The following SLC66A2 variants were observed in gnomAD, a reference collection of about 807,000 sequenced individuals.
The protein encoded by SLC66A2 is solute carrier family 66 member 2, also known as PQ loop repeat containing 1.
Under a neutral mutation model 25.5 loss-of-function variants are expected in SLC66A2, and 23 were observed. The observed-to-expected ratio is 0.90, with a 90% CI of 0.65 to 1.28. The LOEUF (loss-of-function observed/expected upper bound fraction) is 1.28. Among genes scored for constraint, SLC66A2 ranks in the 50% most tolerant of loss-of-function variants. SLC66A2 has a pLI of 0.00. For synonymous variants in SLC66A2, 193 were observed against 166.5 expected (o/e 1.16, Z -1.23); for missense variants, 396 against 373.1 (o/e 1.06, Z -0.51).
At chr18:79,930,948 G>GAAAT (rs1238243752) in intron 4 of SLC66A2, among the ~76,000 whole-genome samples, 1 of 152,162 alleles carries the variant, frequency 6.6e-6, no homozygotes, top group Non-Finnish European at 1.5e-5. Flanking sequence ...AAGGGAGGAG[G>GAAAT]AAATCGAACC....
At chr18:79,942,977 G>A (rs1405817763) in intron 3 of SLC66A2, among the ~76,000 whole-genome samples, 3 of 152,170 alleles carry the variant, frequency 2.0e-5, no homozygotes, top group African/African-American at 7.2e-5. Flanking sequence ...GCACACAGAC[G>A]AAACGCCTGA....
At position 79,904,054 on chromosome 18, in the gene SLC66A2, C is replaced by G; in HGVS notation, c.738G>C (p.Gly246=). 2 of 1,611,136 alleles carry G rather than the reference C, an allele frequency of 1.2e-6. No individual in the cohort carries two copies. The highest frequency in any genetic ancestry group is 1.7e-6 in the Non-Finnish European group (2 of 1,179,126). The change falls in exon 6 of 6, where the codon GGG becomes GGC. Residue 246 remains glycine, a synonymous_variant. Transcript: ENST00000397778. This position sits in a 1 kb window ranked among gnomAD's most constrained non-coding sequence, Gnocchi z 6.3. ...LQVLVDLAIL[G]QAYAFARHPQ... is the part of the protein sequence containing the mutation. ...GGTGGCGGGCGAAGGCGTAGGCCTG[C>G]CCCAGGATGGCCAGGTCCACCAGCA...
In SLC66A2 at chr18:79,941,240, G is replaced by C. The variant is rs560434594; in HGVS notation, c.337+2089C>G. Among the ~76,000 whole-genome samples the C allele has an allele frequency of 4.6e-5, 7 of 152,144 alleles. No homozygotes were observed. The highest frequency in any genetic ancestry group is 1.0e-4 in the Non-Finnish European group (7 of 68,022). On this transcript the variant is annotated intron_variant, in intron 3 of 5. Coordinates refer to ENST00000397778, the MANE Select transcript of SLC66A2 (RefSeq NM_025078.5). This position sits in a 1 kb window ranked among gnomAD's most constrained non-coding sequence, Gnocchi z 4.1. ...CTCTGCTGCCTGTAAAGCGACGGCC[G>C]ACCCATGGCAGAGAGCCAGGCCCTC...
At chr18:79,938,028 C>T (rs1297625986) in intron 3 of SLC66A2, among the ~76,000 whole-genome samples, 5 of 152,058 alleles carry the variant, frequency 3.3e-5, no homozygotes, top group South Asian at 4.2e-4. Context: ...GTAATCCCAA[C>T]GCTTTGGGAG....
chr18:79,915,113 C>T (rs1444466413), intron 5 of SLC66A2, among the ~76,000 whole-genome samples: 1 of 152,222 alleles, frequency 6.6e-6, no homozygotes, highest in African/African-American at 2.4e-5. Context: ...ACAAGCAGAC[C>T]CCAGACTTTG....
Position 79,904,245 on chromosome 18 carries a change from G to T in SLC66A2, c.609-62C>A. ...GGCGGCGACCTGGGCTCAGTCAGTGGGGAGGCCTGGGGCTTAGACAGCGGG... is the reference window on the plus strand; with the variant it reads ...GGCGGCGACCTGGGCTCAGTCAGTGTGGAGGCCTGGGGCTTAGACAGCGGG... On this transcript the variant is annotated intron_variant, in intron 5 of 5. Transcript: ENST00000397778. This position sits in a 1 kb window ranked among gnomAD's most constrained non-coding sequence, Gnocchi z 6.3. The T allele has an allele frequency of 6.9e-7, 1 of 1,443,880 alleles. No individual in the cohort carries two copies. Among genetic ancestry groups the T allele is most frequent in the South Asian group, 1.2e-5 (1 of 86,564 alleles). 89.4% of individuals were successfully genotyped at this position (1,443,880 alleles called of 1,614,324 possible).
chr18:79,942,349 G>A lies in SLC66A2; in HGVS notation c.337+980C>T, dbSNP rs551990861. 6.1e-4 allele frequency among the ~76,000 whole-genome samples: 93 copies of A among 152,314 alleles called. 1 individual carries two copies. Among genetic ancestry groups the A allele is most frequent in the African/African-American group, 2.2e-3 (90 of 41,576 alleles). On this transcript the variant is annotated intron_variant, in intron 3 of 5. Transcript: ENST00000397778. ...ACACTAACTGGCCCAGGTCACACTG[G>A]CTGGAGGCTGGTCTGGTTTCTACAG...
At chr18:79,910,947 G>A (rs1230361126) in intron 5 of SLC66A2, among the ~76,000 whole-genome samples, 7 of 152,262 alleles carry the variant, frequency 4.6e-5, no homozygotes, top group Non-Finnish European at 8.8e-5. Flanking sequence ...GTAAAATCAG[G>A]TAAAGCCATG....
chr18:79,916,016 T>TC (rs111993653), intron 5 of SLC66A2: 8,380 of 181,912 alleles, frequency 0.046, 300 homozygotes, highest in African/African-American at 0.16. Context: ...GCCGCAGTGC[T>TC]CCCGTACCCT....
rs113722570 is a variant in SLC66A2 at position 79,930,026 on chromosome 18, G to GA, written c.391+3942dup. Among the ~76,000 whole-genome samples the GA allele has an allele frequency of 1.0e-3, 156 of 151,028 alleles. 1 individual carries two copies. The highest frequency in any genetic ancestry group is 3.6e-3 in the African/African-American group (147 of 41,174). On this transcript the variant is annotated intron_variant, in intron 4 of 5. Transcript: ENST00000397778. ...ATTGTGGAGAGGAGAGAGGGGAGCA[G>GA]AAAAAAAAATTCAAGGAGATAATGA...
chr18:79,945,642 G>A (rs1285124194), intron 2 of SLC66A2, among the ~76,000 whole-genome samples: 1 of 152,220 alleles, frequency 6.6e-6, no homozygotes, highest in East Asian at 1.9e-4. Context: ...GCTTGAACAG[G>A]GTTTTCTGGG....
rs968728954 is a variant in SLC66A2, at chr18:79,917,177, G to A, written c.608+2007C>T. Among the ~76,000 whole-genome samples, 3 of 152,264 alleles carry A rather than the reference G, an allele frequency of 2.0e-5. No homozygotes were observed. Among genetic ancestry groups the A allele is most frequent in the Admixed American group, 1.3e-4 (2 of 15,290 alleles). ...CTCAGGGCCTAAGACAGGCCTGCCT[G>A]CAGGGCCGCCTCGGCCAGCATCTGG... On this transcript the variant is annotated intron_variant, in intron 5 of 5. Transcript: ENST00000397778. The surrounding 1 kb of genome is among the most constrained non-coding windows in gnomAD (Gnocchi z 6.0).
rs1987540520 is a variant in SLC66A2, at chr18:79,940,279, G to C, written c.337+3050C>G. Reference sequence around the variant, plus strand: ...GAGGACCGGGAAAAATAACCAGTGGGTACTAGGCTTAATACCTGGGTGATG... The same window carrying C: ...GAGGACCGGGAAAAATAACCAGTGGCTACTAGGCTTAATACCTGGGTGATG... On this transcript the variant is annotated intron_variant, in intron 3 of 5. Transcript: ENST00000397778. The surrounding 1 kb of genome is among the most constrained non-coding windows in gnomAD (Gnocchi z 4.1). 6.6e-6 allele frequency among the ~76,000 whole-genome samples: 1 copy of C among 152,120 alleles called. No individual in the cohort carries two copies. The highest frequency in any genetic ancestry group is 1.5e-5 in the Non-Finnish European group (1 of 68,014).
chr18:79,904,743 C>T lies in SLC66A2; in HGVS notation c.609-560G>A, dbSNP rs1981813329. 6.6e-6 allele frequency among the ~76,000 whole-genome samples: 1 copy of T among 152,178 alleles called. No homozygotes were observed. The highest frequency in any genetic ancestry group is 2.4e-5 in the African/African-American group (1 of 41,438). On this transcript the variant is annotated intron_variant, in intron 5 of 5. Coordinates refer to ENST00000397778, the MANE Select transcript of SLC66A2 (RefSeq NM_025078.5). The surrounding 1 kb of genome is among the most constrained non-coding windows in gnomAD (Gnocchi z 6.3). ...GCAAACCTTCCTTTCCTGGAGTGAA[C>T]AGGGAGCAGCCGCCACCCACCATCC...
chr18:79,938,256 A>G (rs1209013315), intron 3 of SLC66A2, among the ~76,000 whole-genome samples: 2 of 152,224 alleles, frequency 1.3e-5, no homozygotes, highest in African/African-American at 4.8e-5. Context: ...CCTACTTGGT[A>G]AACGCTTGAA....
intron 5 of SLC66A2, among the ~76,000 whole-genome samples, chr18:79,907,055 A>C (rs959032563): frequency 2.6e-5 from 4 of 152,246 alleles, no homozygotes; most frequent in Non-Finnish European, 4.4e-5. Flanking sequence ...CCATGGATGT[A>C]ATCAGACTTC....
At position 79,940,231 on chromosome 18, in the gene SLC66A2, G is replaced by C. The variant is rs187878075; in HGVS notation, c.337+3098C>G. Among the ~76,000 whole-genome samples, 6 of 152,132 alleles carry C rather than the reference G, an allele frequency of 3.9e-5. No homozygotes were observed. The highest frequency in any genetic ancestry group is 8.8e-5 in the Non-Finnish European group (6 of 68,018). ...AACAACAGCCACTAGAGCCTGTCGG[G>C]GGGTGGAGAGCAGGAGGAGGGAGAG... On this transcript the variant is annotated intron_variant, in intron 3 of 5. Transcript: ENST00000397778. This position sits in a 1 kb window ranked among gnomAD's most constrained non-coding sequence, Gnocchi z 4.1.
chr18:79,947,226 T>C (rs1256015670), intron 2 of SLC66A2: 1 of 152,298 alleles, frequency 6.6e-6, no homozygotes, highest in Non-Finnish European at 1.5e-5. Context: ...ACACCAGCTA[T>C]GAGGCATCAT....
At chr18:79,930,219 A>G (rs1162620104) in intron 4 of SLC66A2, 3 of 152,248 alleles carry the variant, frequency 2.0e-5, no homozygotes, top group East Asian at 1.9e-4. Context: ...AAAATAATTT[A>G]TCACTTACAA....
Sources: gnomAD v4.1 joint callset for allele counts (sites outside exome capture counted in the v4.1 genomes callset) on GRCh38, gnomAD v4.1.1 for gene constraint, Gnocchi (gnomAD v3.1) non-coding constraint, MANE v1.5 for transcripts, NCBI Gene and HGNC (gene_info 2026-07-23, HGNC 2026-07-21) for gene names.